POPDC1: variants seen among roughly 807,000 people sequenced by gnomAD.
The protein encoded by POPDC1 is popeye domain-containing protein 1.
chr6:105,104,454 C>G, the POPDC1 span, among the ~76,000 whole-genome samples: 9 of 152,114 alleles, frequency 5.9e-5, no homozygotes, highest in Non-Finnish European at 1.3e-4. Context: ...TCCTTAAGTA[C>G]ACAGTGATGA....
chr6:105,126,643 A>G, the POPDC1 span, among the ~76,000 whole-genome samples: 1 of 152,216 alleles, frequency 6.6e-6, no homozygotes, highest in Admixed American at 6.5e-5. Context: ...ACACACAAAA[A>G]ATTTACTAAC....
At chr6:105,119,273 A>G in the POPDC1 span, among the ~76,000 whole-genome samples, 1 of 151,720 alleles carries the variant, frequency 6.6e-6, no homozygotes, top group Admixed American at 6.6e-5. Context: ...AAATCTACCC[A>G]ATACACCCAA....
At chr6:105,108,899 C>CTGTTG in the POPDC1 span, among the ~76,000 whole-genome samples, 5 of 152,140 alleles carry the variant, frequency 3.3e-5, no homozygotes, top group Non-Finnish European at 7.4e-5. Flanking sequence ...GTAAGAGACC[C>CTGTTG]ACAACAGTTT....
the POPDC1 span, chr6:105,124,441 GT>G: frequency 3.3e-6 from 2 of 611,254 alleles, no homozygotes; most frequent in Admixed American, 2.7e-5. Flanking sequence ...ATGGTAACTT[GT>G]TTTTCCCCCC....
At chr6:105,107,099 C>T in the POPDC1 span, among the ~76,000 whole-genome samples, 1 of 152,050 alleles carries the variant, frequency 6.6e-6, no homozygotes, top group Non-Finnish European at 1.5e-5. Flanking sequence ...CCTCTACCTC[C>T]CCCCACCCCC....
the POPDC1 span, chr6:105,136,542 G>A: frequency 6.6e-6 from 1 of 152,396 alleles, no homozygotes; most frequent in African/African-American, 2.4e-5. Context: ...CCCTACAGGG[G>A]GCGAGGAGGA....
chr6:105,113,568 C>T, the POPDC1 span, among the ~76,000 whole-genome samples: 9 of 152,316 alleles, frequency 5.9e-5, no homozygotes, highest in South Asian at 1.2e-3. Context: ...GAATCTGCCA[C>T]GACTGTCTTC....
chr6:105,100,264 C>A, the POPDC1 span: 1 of 151,766 alleles, frequency 6.6e-6, no homozygotes, highest in East Asian at 1.9e-4. Flanking sequence ...AATCCCAGCA[C>A]TCTGGGAGGC....
the POPDC1 span, among the ~76,000 whole-genome samples, chr6:105,135,355 A>C: frequency 9.8e-5 from 15 of 152,298 alleles, no homozygotes; most frequent in African/African-American, 3.4e-4. Flanking sequence ...GTTCTACACC[A>C]CAAGCCACCA....
the POPDC1 span, among the ~76,000 whole-genome samples, chr6:105,122,897 T>C: frequency 6.6e-6 from 1 of 152,172 alleles, no homozygotes; most frequent in African/African-American, 2.4e-5. Context: ...GAATGTTGCA[T>C]AACAGTGAAT....
chr6:105,109,763 C>CA, the POPDC1 span, among the ~76,000 whole-genome samples: 118 of 22,870 alleles, frequency 5.2e-3, 12 homozygotes, highest in Admixed American at 8.6e-3. Flanking sequence ...GACCCTTTCT[C>CA]AAAAAAAAAA....
chr6:105,107,378 G>A, the POPDC1 span, among the ~76,000 whole-genome samples: 1 of 152,166 alleles, frequency 6.6e-6, no homozygotes, highest in South Asian at 2.1e-4. Context: ...ATTTCAGTGT[G>A]CTTCTAATTA....
the POPDC1 span, among the ~76,000 whole-genome samples, chr6:105,118,700 A>C: frequency 0.059 from 8,914 of 152,260 alleles, 435 homozygotes; most frequent in African/African-American, 0.13. Flanking sequence ...ACAATAGCAC[A>C]TAATGCCACT....
chr6:105,101,139 C>T, the POPDC1 span: 14 of 1,613,650 alleles, frequency 8.7e-6, no homozygotes, highest in African/African-American at 9.3e-5. Context: ...GGTTCAAAAA[C>T]GTCATCATCA....
chr6:105,112,156 A>C, the POPDC1 span, among the ~76,000 whole-genome samples: 1 of 152,156 alleles, frequency 6.6e-6, no homozygotes, highest in South Asian at 2.1e-4. Flanking sequence ...CTTTAATAAG[A>C]TCTCCAGGTG....
chr6:105,115,643 C>A, the POPDC1 span: 2 of 1,601,536 alleles, frequency 1.2e-6, no homozygotes, highest in African/African-American at 2.7e-5. Flanking sequence ...TCCAGAGATA[C>A]CCATCAGAAC....
chr6:105,106,516 C>T, the POPDC1 span, among the ~76,000 whole-genome samples: 3 of 152,226 alleles, frequency 2.0e-5, no homozygotes. Flanking sequence ...TTTGCTCCTG[C>T]CAGATGGCAG....
the POPDC1 span, among the ~76,000 whole-genome samples, chr6:105,110,172 G>A: frequency 0.77 from 117,633 of 152,036 alleles, 47,715 homozygotes; most frequent in Non-Finnish European, 0.88. Flanking sequence ...CACCCACCTC[G>A]TAGGGTGGTT....
the POPDC1 span, chr6:105,115,685 C>T: frequency 5.6e-6 from 9 of 1,613,908 alleles, no homozygotes; most frequent in Admixed American, 1.7e-5. Flanking sequence ...GGATAACTTA[C>T]GAAGAGAGGA....
Sources: allele counts gnomAD v4.1 joint callset (sites outside exome capture counted in the v4.1 genomes callset), GRCh38; gene constraint gnomAD v4.1.1; transcripts MANE v1.5; gene names NCBI Gene and HGNC (gene_info 2026-07-23, HGNC 2026-07-21).